Variants in MAP3K5 observed in about 807,000 individuals in gnomAD.
MAP3K5 encodes the protein mitogen-activated protein kinase kinase kinase 5, also known as ASK-1.
Under a neutral mutation model 158.7 loss-of-function variants are expected in MAP3K5, and 56 were observed. The observed-to-expected ratio is 0.35, with a 90% CI of 0.28 to 0.44. The LOEUF (loss-of-function observed/expected upper bound fraction) is 0.44. MAP3K5 is among the 20% of genes least tolerant of loss of function. The pLI, the probability that MAP3K5 is intolerant of heterozygous loss-of-function variation, is 1.00. For synonymous variants in MAP3K5, 579 were observed against 601.7 expected (o/e 0.96, Z 0.55); for missense variants, 1,294 against 1,674.8 (o/e 0.77, Z 3.97).
At chr6:136,571,592 T>G (rs897587522) in intron 25 of MAP3K5, among the ~76,000 whole-genome samples, 1 of 152,236 alleles carries the variant, frequency 6.6e-6, no homozygotes, top group Non-Finnish European at 1.5e-5. Flanking sequence ...TTCCTTCCTT[T>G]CTAAGGCTGA....
chr6:136,621,937 T>C (rs1009511330), intron 15 of MAP3K5, among the ~76,000 whole-genome samples: 33 of 151,880 alleles, frequency 2.2e-4, no homozygotes, highest in African/African-American at 8.0e-4. Flanking sequence ...ATACAAAAAA[T>C]TAGCCAGGCG....
At chr6:136,600,942 G>C in intron 21 of MAP3K5, 80 bp downstream of exon 21, 1 of 1,436,522 alleles carries the variant, frequency 7.0e-7, no homozygotes, top group Middle Eastern at 1.8e-4. Flanking sequence ...CAGAGCATGA[G>C]GCTACTTGAT....
At chr6:136,561,684 T>A in intron 27 of MAP3K5, 39 bp from the exon 28 acceptor site, 1 of 1,149,574 alleles carries the variant, frequency 8.7e-7, no homozygotes, top group Non-Finnish European at 1.3e-6. Context: ...TAATTTCACC[T>A]AACAGAGGTC....
intron 28 of MAP3K5, among the ~76,000 whole-genome samples, chr6:136,559,434 G>A (rs1301195901): frequency 6.6e-6 from 1 of 152,142 alleles, no homozygotes; most frequent in African/African-American, 2.4e-5. Context: ...AAGATTACAA[G>A]TGACACAGAA....
At chr6:136,663,038 G>A (rs77584162) in intron 8 of MAP3K5, among the ~76,000 whole-genome samples, 2 of 152,260 alleles carry the variant, frequency 1.3e-5, no homozygotes, top group African/African-American at 4.8e-5. Context: ...TGTTTTAGTG[G>A]AAAATGGCAG....
At chr6:136,668,391 A>C (rs1322272619) in intron 8 of MAP3K5, among the ~76,000 whole-genome samples, 5 of 150,650 alleles carry the variant, frequency 3.3e-5, no homozygotes, top group Admixed American at 6.6e-5. Flanking sequence ...TTCCAAAAAA[A>C]TTTTTCTTTT....
At chr6:136,630,653 A>G (rs1397571809) in intron 14 of MAP3K5, among the ~76,000 whole-genome samples, 4 of 152,252 alleles carry the variant, frequency 2.6e-5, no homozygotes, top group African/African-American at 9.6e-5. Context: ...GAGATGTTGC[A>G]TAAACAAAAC....
intron 1 of MAP3K5, among the ~76,000 whole-genome samples, chr6:136,782,502 GA>G (rs1784660870): frequency 6.6e-6 from 1 of 152,110 alleles, no homozygotes; most frequent in Non-Finnish European, 1.5e-5. Context: ...ACAAGTATTG[GA>G]AAGTACTGGT....
chr6:136,631,662 T>C (rs1304326058), intron 14 of MAP3K5, among the ~76,000 whole-genome samples: 1 of 152,052 alleles, frequency 6.6e-6, no homozygotes, highest in Non-Finnish European at 1.5e-5. Context: ...CATATCTCTC[T>C]CCTCCCAGTT....
intron 25 of MAP3K5, among the ~76,000 whole-genome samples, chr6:136,572,390 C>T (rs1272126991): frequency 6.6e-6 from 1 of 152,172 alleles, no homozygotes; most frequent in Non-Finnish European, 1.5e-5. Context: ...TTCCGAGTAG[C>T]TGGGATTACA....
At chr6:136,769,835 GGA>G (rs1491276744) in intron 1 of MAP3K5, among the ~76,000 whole-genome samples, 3 of 72,358 alleles carry the variant, frequency 4.1e-5, no homozygotes, top group Admixed American at 1.3e-4. Context: ...GGGAGGGAAG[GGA>G]GGGAGGGAGG....
chr6:136,625,910 GAAGAT>G (rs1327887396), intron 14 of MAP3K5, among the ~76,000 whole-genome samples: 2 of 151,850 alleles, frequency 1.3e-5, no homozygotes, highest in Non-Finnish European at 2.9e-5. Context: ...TTAAAAATGA[GAAGAT>G]AAGATATTCT....
chr6:136,730,111 C>A (rs1782145099), intron 1 of MAP3K5, among the ~76,000 whole-genome samples: 1 of 151,552 alleles, frequency 6.6e-6, no homozygotes, highest in South Asian at 2.1e-4. Context: ...TAACTGAGAC[C>A]ACAAGTACAC....
intron 21 of MAP3K5, among the ~76,000 whole-genome samples, chr6:136,594,696 A>G (rs1445902044): frequency 6.6e-6 from 1 of 152,178 alleles, no homozygotes; most frequent in Admixed American, 6.5e-5. Context: ...GGTGTGCATC[A>G]TTCATATTTC....
chr6:136,791,827 C>G lies in MAP3K5; in HGVS notation c.331G>C (p.Glu111Gln). 6.2e-7 allele frequency: 1 copy of G among 1,613,880 alleles called. No homozygotes were observed. Among genetic ancestry groups the G allele is most frequent in the Non-Finnish European group, 8.5e-7 (1 of 1,180,034 alleles). ...GCCTCCCGCAAGCTCTGCAGGGCCT[C>G]GCTCTCGGCCACCACCAGTTGCCCT... ...SQGQLVVAES[E>Q]ALQSLREACE... The change falls in exon 1 of 30, where the codon GAG becomes CAG. Residue 111 changes from glutamate (E) to glutamine (Q), a missense_variant. Around this residue, in one of 5 missense-constraint regions of MAP3K5, gnomAD observed 690 missense variants for 870.5 expected, o/e 0.79. Coordinates refer to ENST00000359015, the MANE Select transcript of MAP3K5 (RefSeq NM_005923.4).
intron 23 of MAP3K5, among the ~76,000 whole-genome samples, chr6:136,584,246 G>T (rs138033490): frequency 3.9e-4 from 60 of 152,266 alleles, no homozygotes; most frequent in Non-Finnish European, 8.1e-4. Context: ...CCCGGAAAGA[G>T]AAGCTATAAA....
At chr6:136,600,668 T>C (rs1775835400) in intron 21 of MAP3K5, among the ~76,000 whole-genome samples, 3 of 152,070 alleles carry the variant, frequency 2.0e-5, no homozygotes, top group Non-Finnish European at 4.4e-5. Flanking sequence ...CAGAGGAAGG[T>C]ATCTGGCATT....
chr6:136,722,649 T>A (rs1188828436), intron 1 of MAP3K5, among the ~76,000 whole-genome samples: 2 of 150,094 alleles, frequency 1.3e-5, no homozygotes, highest in Non-Finnish European at 3.0e-5. Flanking sequence ...GTGGGAAGTG[T>A]AAACTTTCTT....
At chr6:136,719,726 C>A (rs1420528116) in intron 2 of MAP3K5, among the ~76,000 whole-genome samples, 1 of 152,116 alleles carries the variant, frequency 6.6e-6, no homozygotes, top group East Asian at 1.9e-4. Context: ...GAAGACAGAG[C>A]TGAGAAAAAG....
Sources: allele counts gnomAD v4.1 joint callset (sites outside exome capture counted in the v4.1 genomes callset), GRCh38; gene constraint gnomAD v4.1.1; regional missense constraint gnomAD v4.1.1; transcripts MANE v1.5; gene names NCBI Gene and HGNC (gene_info 2026-07-23, HGNC 2026-07-21).